ITFG1: variants seen among roughly 807,000 people sequenced by gnomAD.
ITFG1 encodes integrin alpha FG-GAP repeat containing 1, also known as T-cell immunomodulatory protein.
ITFG1 carries 34 observed loss-of-function variants against 81.8 expected under a neutral mutation model. That is an observed-to-expected ratio of 0.42 (90% CI 0.32 to 0.55). ITFG1 has a LOEUF of 0.55. Ranked by LOEUF, ITFG1 falls within the 20% of genes least tolerant of loss-of-function variation. ITFG1 has a pLI of 0.17. For synonymous variants in ITFG1, 285 were observed against 270.6 expected (o/e 1.05, Z -0.52); for missense variants, 672 against 755.4 (o/e 0.89, Z 1.29).
At chr16:47,197,001 C>T (rs1485808975) in intron 14 of ITFG1, among the ~76,000 whole-genome samples, 1 of 152,080 alleles carries the variant, frequency 6.6e-6, no homozygotes, top group Non-Finnish European at 1.5e-5. Flanking sequence ...CACTCTCTGG[C>T]AAAAAGTTAC....
Position 47,452,773 on chromosome 16 carries a change from T to C in ITFG1, c.445A>G (p.Ile149Val), listed in dbSNP as rs1440382102. The change falls in exon 4 of 18, where the codon ATA (isoleucine) becomes GTA (valine). Residue 149 changes from isoleucine to valine, a missense_variant. This residue lies in a region of ITFG1 where 560 missense variants were observed against 625.7 expected (regional missense o/e 0.90). Transcript: ENST00000320640. ...TCATCTTGAAAAGTCCTATTGAGTA[T>C]GGTCATATTGTTAGGATCTGCAAAA... ...NQTLDPNNMT[I>V]LNRTFQDEPL... 1.3e-6 allele frequency: 2 copies of C among 1,574,134 alleles called. No individual in the cohort carries two copies. The highest frequency in any genetic ancestry group is 2.3e-5 in the East Asian group (1 of 43,672).
Position 47,428,828 on chromosome 16 carries a change from C to T in ITFG1, c.631G>A (p.Asp211Asn). ...CCTGCTGTAAAATCTTCAGTCAGAT[C>T]AATAAATGCATGAGAATGTGGAATT... ...MRIPHSHAFI[D>N]LTEDFTADLF... is the part of the protein sequence containing the mutation. The change falls in exon 6 of 18, where the codon GAT (aspartate) becomes AAT (asparagine). Residue 211 changes from aspartate (D) to asparagine (N), a missense_variant. Physicochemically the swap from Asp to Asn is conservative, Grantham distance 23. Coordinates refer to ENST00000320640, the MANE Select transcript of ITFG1 (RefSeq NM_030790.5). 1 of 1,610,002 alleles carries T rather than the reference C, an allele frequency of 6.2e-7. No homozygotes were observed. Among genetic ancestry groups the T allele is most frequent in the Non-Finnish European group, 8.5e-7 (1 of 1,177,646 alleles).
At chr16:47,244,528 C>T (rs995425768) in intron 12 of ITFG1, among the ~76,000 whole-genome samples, 7 of 150,244 alleles carry the variant, frequency 4.7e-5, no homozygotes, top group Admixed American at 6.7e-5. Context: ...TGAGAGTAGA[C>T]GAAACAAAGT....
At chr16:47,292,596 G>A (rs1966922132) in intron 10 of ITFG1, among the ~76,000 whole-genome samples, 2 of 152,120 alleles carry the variant, frequency 1.3e-5, no homozygotes, top group Admixed American at 1.3e-4. Context: ...GGACATTAGT[G>A]TAATGATCAC....
At chr16:47,390,712 G>A (rs1013224538) in intron 6 of ITFG1, among the ~76,000 whole-genome samples, 3 of 151,986 alleles carry the variant, frequency 2.0e-5, no homozygotes, top group African/African-American at 7.2e-5. Flanking sequence ...CGCCCACCTC[G>A]GCCTCTCAAA....
At chr16:47,222,579 A>G (rs1472754015) in intron 13 of ITFG1, among the ~76,000 whole-genome samples, 4 of 151,960 alleles carry the variant, frequency 2.6e-5, no homozygotes, top group African/African-American at 9.7e-5. Context: ...AGGCCCGGCT[A>G]ATTTTTTATA....
At chr16:47,411,281 A>G (rs1968807248) in intron 6 of ITFG1, among the ~76,000 whole-genome samples, 1 of 152,122 alleles carries the variant, frequency 6.6e-6, no homozygotes, top group African/African-American at 2.4e-5. Flanking sequence ...GGTGTCGCCC[A>G]TATGCCAGCC....
At chr16:47,372,455 CT>C (rs894738202) in intron 7 of ITFG1, among the ~76,000 whole-genome samples, 414 of 142,886 alleles carry the variant, frequency 2.9e-3, no homozygotes, top group Non-Finnish European at 2.7e-3. Flanking sequence ...CTATTTCTCT[CT>C]TTTTTTTTTT....
intron 12 of ITFG1, among the ~76,000 whole-genome samples, chr16:47,243,823 G>A (rs1000069112): frequency 1.3e-5 from 2 of 152,178 alleles, no homozygotes; most frequent in African/African-American, 2.4e-5. Context: ...GGTGGATTAG[G>A]AATTCGAGAC....
At chr16:47,269,788 T>C (rs1045468983) in intron 10 of ITFG1, among the ~76,000 whole-genome samples, 1 of 152,100 alleles carries the variant, frequency 6.6e-6, no homozygotes, top group Non-Finnish European at 1.5e-5. Context: ...ACTGACAAAC[T>C]GACCCTAAAA....
intron 6 of ITFG1, among the ~76,000 whole-genome samples, chr16:47,379,981 A>G (rs1178903824): frequency 6.6e-6 from 1 of 151,592 alleles, no homozygotes; most frequent in African/African-American, 2.4e-5. Context: ...AGACAGATAC[A>G]AAGGCTGAAC....
chr16:47,191,856 G>C (rs1965297652), intron 14 of ITFG1, among the ~76,000 whole-genome samples: 1 of 152,122 alleles, frequency 6.6e-6, no homozygotes, highest in Non-Finnish European at 1.5e-5. Context: ...CTGTCATCCA[G>C]GCTGAAGTGC....
chr16:47,403,620 C>T (rs1444231481), intron 6 of ITFG1, among the ~76,000 whole-genome samples: 1 of 152,064 alleles, frequency 6.6e-6, no homozygotes, highest in Non-Finnish European at 1.5e-5. Context: ...CTTAGATGTG[C>T]TAATGGCACT....
intron 12 of ITFG1, among the ~76,000 whole-genome samples, chr16:47,247,303 A>T (rs999022367): frequency 2.6e-5 from 4 of 152,216 alleles, no homozygotes; most frequent in South Asian, 4.1e-4. Flanking sequence ...ACAGTTTATT[A>T]CAATTAGATG....
At chr16:47,385,738 G>A (rs947435967) in intron 6 of ITFG1, among the ~76,000 whole-genome samples, 5 of 152,186 alleles carry the variant, frequency 3.3e-5, no homozygotes, top group Non-Finnish European at 4.4e-5. Context: ...GTCATGCTGA[G>A]TGCTCACTTC....
At chr16:47,188,737 T>C (rs1965257074) in intron 14 of ITFG1, among the ~76,000 whole-genome samples, 1 of 151,602 alleles carries the variant, frequency 6.6e-6, no homozygotes, top group African/African-American at 2.4e-5. Context: ...AACCTGCACA[T>C]TGTGCACATG....
At chr16:47,348,473 AAATGAGCAAAATG>A (rs1448173919) in intron 8 of ITFG1, among the ~76,000 whole-genome samples, 1 of 152,254 alleles carries the variant, frequency 6.6e-6, no homozygotes, top group Non-Finnish European at 1.5e-5. Flanking sequence ...ATGGAAGATC[AAATGAGCAAAATG>A]AAGTGAGAAG....
chr16:47,348,893 G>C (rs1484205246), intron 8 of ITFG1, among the ~76,000 whole-genome samples: 2 of 152,208 alleles, frequency 1.3e-5, no homozygotes, highest in Non-Finnish European at 2.9e-5. Flanking sequence ...AGAAGAGAGT[G>C]GGGGCCAATA....
chr16:47,155,691 C>G lies in ITFG1; in HGVS notation c.*28G>C. On this transcript the variant is annotated 3_prime_UTR_variant, in exon 18 of 18. Coordinates refer to ENST00000320640, the MANE Select transcript of ITFG1 (RefSeq NM_030790.5). ...TGTTTCAACTAATCAAGTGAACAGCCATTCCATTATGTAATATTAAAGGCA... is the reference window on the plus strand; with the variant it reads ...TGTTTCAACTAATCAAGTGAACAGCGATTCCATTATGTAATATTAAAGGCA... The G allele has an allele frequency of 6.6e-7, 1 of 1,505,586 alleles. No homozygotes were observed. 93.3% of individuals were successfully genotyped at this position (1,505,586 alleles called of 1,614,324 possible). A position where few individuals can be genotyped will look rare whatever the true frequency, so the allele number is the denominator to read the frequency against.
Sources: gnomAD v4.1 joint callset for allele counts (sites outside exome capture counted in the v4.1 genomes callset) on GRCh38, gnomAD v4.1.1 for gene constraint, gnomAD v4.1.1 regional missense constraint, MANE v1.5 for transcripts, NCBI Gene and HGNC (gene_info 2026-07-23, HGNC 2026-07-21) for gene names.